Variants in MYO16 observed in about 807,000 individuals in gnomAD.
MYO16 encodes the protein unconventional myosin-XVI.
MYO16 carries 94 observed loss-of-function variants against 205.3 expected under a neutral mutation model. The ratio of observed to expected loss-of-function variants is 0.46; its 90% CI spans 0.39 to 0.54. The LOEUF (loss-of-function observed/expected upper bound fraction) is 0.54, where lower values mean the gene tolerates loss of function less well. Ranked by LOEUF, MYO16 falls within the 20% of genes least tolerant of loss-of-function variation. The pLI is 0.00. For synonymous variants in MYO16, 988 were observed against 954.0 expected (o/e 1.04, Z -0.66); for missense variants, 2,315 against 2,387.5 (o/e 0.97, Z 0.63).
chr13:109,150,767 T>C (rs1877616166), intron 32 of MYO16, among the ~76,000 whole-genome samples: 1 of 152,234 alleles, frequency 6.6e-6, no homozygotes, highest in South Asian at 2.1e-4. Context: ...TTTCATACTA[T>C]CAACCCACTA....
intron 16 of MYO16, among the ~76,000 whole-genome samples, chr13:108,949,418 G>T (rs977243546): frequency 1.3e-5 from 2 of 151,920 alleles, no homozygotes; most frequent in African/African-American, 4.8e-5. Context: ...TGTGAAAACT[G>T]CAATTTAAAA....
At chr13:108,652,162 C>T (rs190513791) in intron 1 of MYO16, among the ~76,000 whole-genome samples, 6 of 151,108 alleles carry the variant, frequency 4.0e-5, no homozygotes, top group African/African-American at 9.8e-5. Flanking sequence ...TGTGCGCGCG[C>T]GCGCATGTGT....
chr13:109,001,804 A>G (rs781034041), intron 21 of MYO16, among the ~76,000 whole-genome samples: 6 of 152,042 alleles, frequency 3.9e-5, no homozygotes, highest in South Asian at 4.2e-4. Flanking sequence ...TATTTCCCCA[A>G]TGGGCTTCTG....
At chr13:109,053,128 G>A (rs1034232882) in intron 25 of MYO16, among the ~76,000 whole-genome samples, 7 of 152,062 alleles carry the variant, frequency 4.6e-5, no homozygotes, top group African/African-American at 1.7e-4. Context: ...GTATTCCAGA[G>A]TGTTTTGCTT....
chr13:108,961,401 A>T (rs1883574045), intron 17 of MYO16, 138 bp from the exon 18 acceptor site: 1 of 626,180 alleles, frequency 1.6e-6, no homozygotes, highest in Non-Finnish European at 2.8e-6. Context: ...GCCATATCGA[A>T]CATTTGGGAT....
chr13:109,099,928 G>A (rs980121803), intron 27 of MYO16, among the ~76,000 whole-genome samples: 1 of 152,202 alleles, frequency 6.6e-6, no homozygotes, highest in Non-Finnish European at 1.5e-5. Flanking sequence ...GAAAATAACA[G>A]AAAACTGATG....
At chr13:109,007,174 G>A (rs954343521) in intron 21 of MYO16, among the ~76,000 whole-genome samples, 1 of 152,136 alleles carries the variant, frequency 6.6e-6, no homozygotes, top group Non-Finnish European at 1.5e-5. Flanking sequence ...GGATCACGAG[G>A]TCAGGAGATC....
chr13:108,698,895 A>C (rs551018290), intron 2 of MYO16, among the ~76,000 whole-genome samples: 1 of 152,270 alleles, frequency 6.6e-6, no homozygotes, highest in South Asian at 2.1e-4. Flanking sequence ...TCATACTTTC[A>C]TCACAGTTTT....
At chr13:109,012,345 C>G (rs1180830547) in intron 22 of MYO16, among the ~76,000 whole-genome samples, 3 of 152,116 alleles carry the variant, frequency 2.0e-5, no homozygotes, top group African/African-American at 7.2e-5. Flanking sequence ...CACTCCCCGT[C>G]ACTGGCATCT....
intron 16 of MYO16, among the ~76,000 whole-genome samples, chr13:108,941,776 A>C (rs1171010826): frequency 6.6e-6 from 1 of 152,102 alleles, no homozygotes; most frequent in Non-Finnish European, 1.5e-5. Context: ...GTTTTCTTAA[A>C]GAGTTTTCCT....
chr13:109,023,658 T>TAC (rs1886216126), intron 23 of MYO16, among the ~76,000 whole-genome samples: 2 of 115,658 alleles, frequency 1.7e-5, no homozygotes, highest in Non-Finnish European at 3.4e-5. Flanking sequence ...TATGTATATA[T>TAC]GTATATATGC....
intron 27 of MYO16, among the ~76,000 whole-genome samples, chr13:109,069,367 T>C (rs182306088): frequency 4.6e-5 from 7 of 152,324 alleles, no homozygotes; most frequent in Non-Finnish European, 8.8e-5. Context: ...TACTCAGTCT[T>C]AGCTAAAGAG....
At chr13:108,627,040 G>T (rs964627757), upstream of MYO16, among the ~76,000 whole-genome samples, 5 of 148,700 alleles carry the variant, frequency 3.4e-5, no homozygotes, top group African/African-American at 1.2e-4. Context: ...AGTGAGTTGA[G>T]TTTCTCAGGG....
At chr13:109,078,079 G>A (rs530393980) in intron 27 of MYO16, among the ~76,000 whole-genome samples, 10 of 151,846 alleles carry the variant, frequency 6.6e-5, no homozygotes, top group Admixed American at 4.6e-4. Flanking sequence ...TGCATTTTTT[G>A]GTTTAAGTTA....
chr13:109,181,806 T>TTATC (rs1382721893), intron 34 of MYO16, among the ~76,000 whole-genome samples: 4 of 141,668 alleles, frequency 2.8e-5, no homozygotes, highest in African/African-American at 7.7e-5. Context: ...TAAAATTTAT[T>TTATC]TATTTATTTA....
At chr13:108,966,282 A>G (rs914335358) in intron 20 of MYO16, among the ~76,000 whole-genome samples, 4 of 152,220 alleles carry the variant, frequency 2.6e-5, no homozygotes, top group Admixed American at 2.6e-4. Context: ...AATATGCTAA[A>G]TCTACCAAAT....
chr13:108,662,704 A>G (rs975286627), intron 1 of MYO16, among the ~76,000 whole-genome samples: 6 of 152,166 alleles, frequency 3.9e-5, no homozygotes, highest in African/African-American at 1.4e-4. Flanking sequence ...TCCAACTTCC[A>G]GCTGCAAGAG....
chr13:108,699,816 A>T (rs980089195), intron 2 of MYO16, among the ~76,000 whole-genome samples: 2 of 152,186 alleles, frequency 1.3e-5, no homozygotes, highest in Admixed American at 1.3e-4. Context: ...AAAAAATAAT[A>T]ATTATTACTA....
chr13:108,601,429 C>G (rs149284272), intron 1 of MYO16, among the ~76,000 whole-genome samples: 1 of 151,864 alleles, frequency 6.6e-6, no homozygotes, highest in Non-Finnish European at 1.5e-5. Context: ...TATATGCAGA[C>G]GAAACAAAGG....
Sources: allele counts gnomAD v4.1 joint callset (sites outside exome capture counted in the v4.1 genomes callset), GRCh38; gene constraint gnomAD v4.1.1; transcripts MANE v1.5; gene names NCBI Gene and HGNC (gene_info 2026-07-23, HGNC 2026-07-21).